Variants in ROBO1 observed in about 807,000 individuals in gnomAD.
ROBO1 encodes the protein roundabout guidance receptor 1.
In ROBO1, 149 loss-of-function variants were observed where a neutral mutation model predicts 195.9. The ratio of observed to expected loss-of-function variants is 0.76; its 90% CI spans 0.67 to 0.87. The LOEUF is 0.87. ROBO1 is among the 40% of genes least tolerant of loss of function. ROBO1 has a pLI of 0.00. For synonymous variants in ROBO1, 816 were observed against 733.2 expected (o/e 1.11, Z -1.82); for missense variants, 1,933 against 2,068.3 (o/e 0.93, Z 1.27).
At chr3:79,299,448 GGTGGCTA>G (rs1185621660) in intron 2 of ROBO1, among the ~76,000 whole-genome samples, 4 of 152,126 alleles carry the variant, frequency 2.6e-5, no homozygotes, top group Non-Finnish European at 5.9e-5. Flanking sequence ...AAATGTTGAA[GGTGGCTA>G]GTGTCATTTT....
At chr3:79,653,484 G>T (rs1946073526) in intron 1 of ROBO1, among the ~76,000 whole-genome samples, 1 of 151,590 alleles carries the variant, frequency 6.6e-6, no homozygotes, top group South Asian at 2.1e-4. Flanking sequence ...TTTTCACAAG[G>T]GATTTGCTAT....
At chr3:79,760,702 T>C (rs990273985) in intron 1 of ROBO1, among the ~76,000 whole-genome samples, 1 of 146,554 alleles carries the variant, frequency 6.8e-6, no homozygotes. Flanking sequence ...ACTGGCAAAA[T>C]TACAAAATGT....
At chr3:78,987,130 T>A (rs1168500587) in intron 3 of ROBO1, among the ~76,000 whole-genome samples, 2 of 94 alleles carry the variant, frequency 0.021, no homozygotes, top group Non-Finnish European at 0.067. Context: ...AAAAAACTGC[T>A]TTTTTTTTTT....
intron 1 of ROBO1, among the ~76,000 whole-genome samples, chr3:79,661,178 C>T (rs1449188367): frequency 6.6e-6 from 1 of 152,020 alleles, no homozygotes; most frequent in African/African-American, 2.4e-5. Flanking sequence ...CTCTCAACCA[C>T]TTTAAAGAAT....
chr3:79,765,767 T>A (rs11917376), intron 1 of ROBO1, among the ~76,000 whole-genome samples: 46,015 of 152,044 alleles, frequency 0.3, 7,108 homozygotes, highest in East Asian at 0.37. Context: ...GTATATTTCC[T>A]TTGATGTGTA....
intron 2 of ROBO1, among the ~76,000 whole-genome samples, chr3:79,390,781 T>C (rs368202998): frequency 1.3e-5 from 2 of 152,094 alleles, no homozygotes; most frequent in South Asian, 2.1e-4. Flanking sequence ...GAGAAAAATG[T>C]AGTAAAAATT....
chr3:78,668,786 T>C (rs1707887900), intron 11 of ROBO1, among the ~76,000 whole-genome samples: 2 of 152,174 alleles, frequency 1.3e-5, no homozygotes, highest in Non-Finnish European at 2.9e-5. Flanking sequence ...AATGGTATAA[T>C]AAGAAATATT....
chr3:79,412,874 A>ATTTTTT (rs1167482550), intron 2 of ROBO1, among the ~76,000 whole-genome samples: 711 of 38,352 alleles, frequency 0.019, 126 homozygotes, highest in Non-Finnish European at 0.023. Context: ...TCATGAGCTG[A>ATTTTTT]TTTTTTTTTT....
chr3:79,739,715 G>A (rs191004652), intron 1 of ROBO1, among the ~76,000 whole-genome samples: 26 of 152,092 alleles, frequency 1.7e-4, no homozygotes, highest in Non-Finnish European at 3.4e-4. Context: ...AATCTTTATG[G>A]TGTATCTACT....
chr3:79,395,436 T>C (rs2037122635), intron 2 of ROBO1, among the ~76,000 whole-genome samples: 1 of 151,976 alleles, frequency 6.6e-6, no homozygotes, highest in African/African-American at 2.4e-5. Context: ...GGTCTTCATA[T>C]TTTTAGGACA....
chr3:79,467,023 G>A (rs999557584), intron 2 of ROBO1, among the ~76,000 whole-genome samples: 6 of 152,098 alleles, frequency 3.9e-5, no homozygotes, highest in Non-Finnish European at 5.9e-5. Context: ...ACCCAATATT[G>A]GAAGACATGG....
intron 3 of ROBO1, among the ~76,000 whole-genome samples, chr3:79,073,170 G>A (rs1211145566): frequency 6.6e-6 from 1 of 151,942 alleles, no homozygotes; most frequent in Non-Finnish European, 1.5e-5. Context: ...TGTTATAAAG[G>A]AAAAGAGCCC....
intron 2 of ROBO1, among the ~76,000 whole-genome samples, chr3:79,376,171 C>T (rs1336819540): frequency 6.6e-6 from 1 of 152,122 alleles, no homozygotes; most frequent in Non-Finnish European, 1.5e-5. Flanking sequence ...GCCATTCAAC[C>T]CATTGGAAAT....
At chr3:79,557,744 ATATAT>A (rs1164280995) in intron 2 of ROBO1, among the ~76,000 whole-genome samples, 9 of 102,742 alleles carry the variant, frequency 8.8e-5, no homozygotes, top group African/African-American at 4.3e-4. Context: ...ACAAAAAAAA[ATATAT>A]ATATATATAT....
chr3:78,940,204 A>G (rs2040058067), intron 3 of ROBO1, among the ~76,000 whole-genome samples: 1 of 151,890 alleles, frequency 6.6e-6, no homozygotes, highest in African/African-American at 2.4e-5. Flanking sequence ...TTCTTTCCAA[A>G]TTCCTCCTGA....
intron 2 of ROBO1, among the ~76,000 whole-genome samples, chr3:79,214,775 C>CAT (rs142556647): frequency 0.025 from 3,540 of 142,288 alleles, 80 homozygotes; most frequent in Middle Eastern, 0.1. Flanking sequence ...TATATTATAG[C>CAT]ATATATATAT....
At chr3:79,657,057 A>C (rs1946187936) in intron 1 of ROBO1, among the ~76,000 whole-genome samples, 1 of 152,084 alleles carries the variant, frequency 6.6e-6, no homozygotes, top group South Asian at 2.1e-4. Context: ...TTATTCATCC[A>C]AATGTAACCT....
chr3:79,055,337 T>C (rs2078785147), intron 3 of ROBO1, among the ~76,000 whole-genome samples: 2 of 152,082 alleles, frequency 1.3e-5, no homozygotes, highest in African/African-American at 4.8e-5. Context: ...AGGCCACTTA[T>C]TGGATTAATA....
intron 2 of ROBO1, among the ~76,000 whole-genome samples, chr3:79,205,755 T>C (rs2081855551): frequency 6.6e-6 from 1 of 152,156 alleles, no homozygotes; most frequent in Non-Finnish European, 1.5e-5. Context: ...ACAAAACTGA[T>C]TTCTGGAACA....
Sources: allele counts gnomAD v4.1 joint callset (sites outside exome capture counted in the v4.1 genomes callset), GRCh38; gene constraint gnomAD v4.1.1; transcripts MANE v1.5; gene names NCBI Gene and HGNC (gene_info 2026-07-23, HGNC 2026-07-21).